RPS6KA2: variants seen among roughly 807,000 people sequenced by gnomAD.
The protein encoded by RPS6KA2 is ribosomal protein S6 kinase alpha-2.
Under a neutral mutation model 91.8 loss-of-function variants are expected in RPS6KA2, and 42 were observed. The observed-to-expected ratio is 0.46, with a 90% CI of 0.36 to 0.59. RPS6KA2 has a LOEUF of 0.59. Ranked by LOEUF, RPS6KA2 falls within the 20% of genes least tolerant of loss-of-function variation. RPS6KA2 has a pLI of 0.00. For synonymous variants in RPS6KA2, 414 were observed against 393.6 expected (o/e 1.05, Z -0.61); for missense variants, 798 against 978.5 (o/e 0.82, Z 2.46).
At chr6:166,416,274 C>A (rs562214668) in intron 19 of RPS6KA2, among the ~76,000 whole-genome samples, 1 of 59,028 alleles carries the variant, frequency 1.7e-5, no homozygotes, top group South Asian at 5.6e-4. Flanking sequence ...TCTGTCACCT[C>A]TGCCGTCACC....
chr6:166,500,965 C>T lies in RPS6KA2; in HGVS notation c.567-41G>A, dbSNP rs938739385. 5 of 1,596,034 alleles carry T rather than the reference C, an allele frequency of 3.1e-6. No individual in the cohort carries two copies. In the African/African-American group the frequency reaches 6.7e-5, roughly 21 times the overall value. On this transcript the variant is annotated intron_variant, in intron 6 of 20. Transcript: ENST00000265678. This position sits in a 1 kb window ranked among gnomAD's most constrained non-coding sequence, Gnocchi z 4.3. ...AGAAAACAGATGCTTTAGAAAGAGA[C>T]CCAGCCTGCCGACGGGCACGCAGAG... is the stretch of plus-strand genomic sequence containing the variant.
At chr6:166,798,041 T>C (rs564779776) in intron 2 of RPS6KA2, among the ~76,000 whole-genome samples, 5 of 152,176 alleles carry the variant, frequency 3.3e-5, no homozygotes, top group Non-Finnish European at 7.3e-5. Context: ...CTACCGTTGG[T>C]TGGTCAGGTA....
Position 166,481,654 on chromosome 6 carries a change from A to G in RPS6KA2, c.907+7179T>C, listed in dbSNP as rs141856927. Among the ~76,000 whole-genome samples, 114 of 140,740 alleles carry G rather than the reference A, an allele frequency of 8.1e-4. 3 individuals carry two copies. The East Asian group carries it at 0.02, about 25-fold the overall frequency. 92.3% of individuals were successfully genotyped at this position (140,740 alleles called of 152,430 possible). A position where few individuals can be genotyped will look rare whatever the true frequency, so the allele number is the denominator to read the frequency against. On this transcript the variant is annotated intron_variant, in intron 10 of 20. Transcript: ENST00000265678. The stretch of plus-strand genomic sequence containing the variant: ...TCTCTGATGAGATGGTAGACTGTAC[A>G]TATACCTCTCTGATAGATCTTAAAG...
chr6:166,451,308 G>T, intron 12 of RPS6KA2, 75 bp from the exon 13 acceptor site: 1 of 1,544,006 alleles, frequency 6.5e-7, no homozygotes, highest in Non-Finnish European at 8.9e-7. Flanking sequence ...GTGTGTGTGT[G>T]CATGTGGTAT....
chr6:166,824,172 A>G (rs1229822922), intron 2 of RPS6KA2, among the ~76,000 whole-genome samples: 1 of 152,102 alleles, frequency 6.6e-6, no homozygotes, highest in African/African-American at 2.4e-5. Flanking sequence ...CCCACGAGAA[A>G]CTCCTGCACA....
chr6:166,821,376 T>C lies in RPS6KA2; in HGVS notation c.123+36824A>G, dbSNP rs1388582208. 6.6e-6 allele frequency among the ~76,000 whole-genome samples: 1 copy of C among 152,056 alleles called. No homozygotes were observed. Among genetic ancestry groups the C allele is most frequent in the Non-Finnish European group, 1.5e-5 (1 of 68,008 alleles). On this transcript the variant is annotated intron_variant, in intron 2 of 21. Coordinates refer to the RPS6KA2 transcript ENST00000503859. The surrounding 1 kb of genome is among the most constrained non-coding windows in gnomAD (Gnocchi z 4.1). ...GGGTGGCTTAGCAGCTCAGGCCCTG[T>C]GGGTGCGCTTCACATGCGTGGGGCT...
intron 1 of RPS6KA2, among the ~76,000 whole-genome samples, chr6:166,549,683 C>T (rs910652845): frequency 2.0e-5 from 3 of 151,722 alleles, no homozygotes; most frequent in Non-Finnish European, 4.4e-5. Flanking sequence ...TAAAAGGGTA[C>T]CATGGGGGAT....
intron 2 of RPS6KA2, among the ~76,000 whole-genome samples, chr6:166,761,848 C>T (rs1052634693): frequency 1.3e-5 from 2 of 152,160 alleles, no homozygotes; most frequent in Middle Eastern, 3.2e-3. Context: ...AGGGAAGTGT[C>T]TCCTCGCATT....
chr6:166,624,377 C>T (rs746855646), intron 1 of RPS6KA2, among the ~76,000 whole-genome samples: 1 of 152,196 alleles, frequency 6.6e-6, no homozygotes. Context: ...TACTTTGTGT[C>T]CTATTTCTCA....
chr6:166,580,908 T>G (rs942862295), intron 1 of RPS6KA2, among the ~76,000 whole-genome samples: 3 of 152,120 alleles, frequency 2.0e-5, no homozygotes, highest in Non-Finnish European at 4.4e-5. Context: ...TTTTCTTTTC[T>G]TTTCTTTTTT....
chr6:166,422,830 T>C (rs544488162), intron 17 of RPS6KA2, among the ~76,000 whole-genome samples: 16 of 152,180 alleles, frequency 1.1e-4, no homozygotes, highest in Non-Finnish European at 2.1e-4. Context: ...GGAGTGAGAA[T>C]TGGGGTGCAG....
intron 2 of RPS6KA2, among the ~76,000 whole-genome samples, chr6:166,774,944 GC>G (rs1778574359): frequency 6.6e-6 from 1 of 151,994 alleles, no homozygotes; most frequent in Non-Finnish European, 1.5e-5. Context: ...CCGTCTTCCA[GC>G]TTTTAGGGTT....
Position 166,432,485 on chromosome 6 carries a change from A to G in RPS6KA2, c.1338T>C (p.Ile446=). The change falls in exon 15 of 21, where the codon ATT becomes ATC. Residue 446 remains isoleucine (I), a synonymous_variant. Transcript: ENST00000265678. ...ATDTEYAVKI[I]DKSKRDPSEE... ...CCGAGGGGTCTCTCTTGCTCTTATC[A>G]ATGATCTGGAACAAACACAGCACAT... 4 of 1,608,324 alleles carry G rather than the reference A, an allele frequency of 2.5e-6. No homozygotes were observed. Among genetic ancestry groups the G allele is most frequent in the Non-Finnish European group, 3.4e-6 (4 of 1,174,980 alleles).
intron 2 of RPS6KA2, among the ~76,000 whole-genome samples, chr6:166,798,740 C>A (rs1472481759): frequency 2.0e-5 from 3 of 152,226 alleles, no homozygotes; most frequent in Non-Finnish European, 2.9e-5. Flanking sequence ...CTGGCCAATC[C>A]CTTTCCCAGA....
At chr6:166,517,450 G>GTTT (rs1562550709) in intron 3 of RPS6KA2, among the ~76,000 whole-genome samples, 3 of 83,790 alleles carry the variant, frequency 3.6e-5, no homozygotes, top group South Asian at 4.1e-4. Flanking sequence ...GCGTTCTTTT[G>GTTT]TTTTGTTTTT....
In RPS6KA2 at chr6:166,418,489, C is replaced by T. The variant is rs537085795; in HGVS notation, c.1821-147G>A. 3.9e-5 allele frequency: 26 copies of T among 673,580 alleles called. No homozygotes were observed. Among genetic ancestry groups the T allele is most frequent in the East Asian group, 1.1e-4 (4 of 36,380 alleles). The allele number at this position is 673,580 out of a possible 1,614,324, so 41.7% of individuals were successfully genotyped here. ...TCTGAAGCCAGGATTCATGGGAAAG[C>T]GGAACTTACCTCTAACACTATGCCC... On this transcript the variant is annotated intron_variant, in intron 18 of 20. Transcript: ENST00000265678. This position sits in a 1 kb window ranked among gnomAD's most constrained non-coding sequence, Gnocchi z 4.9.
Position 166,495,844 on chromosome 6 carries a change from G to A in RPS6KA2, c.747+2664C>T, listed in dbSNP as rs1781766728. The stretch of plus-strand genomic sequence containing the variant: ...CACCAACCCGGCCAGGGTCAGCAAA[G>A]GCCACTGGGAGTGGTGCTTCTGTCT... On this transcript the variant is annotated intron_variant, in intron 8 of 20. Transcript: ENST00000265678. The surrounding 1 kb of genome is among the most constrained non-coding windows in gnomAD (Gnocchi z 4.4). 6.6e-6 allele frequency among the ~76,000 whole-genome samples: 1 copy of A among 152,340 alleles called. No individual in the cohort carries two copies. Among genetic ancestry groups the A allele is most frequent in the East Asian group, 1.9e-4 (1 of 5,188 alleles).
At chr6:166,583,719 T>C (rs1331347686) in intron 1 of RPS6KA2, among the ~76,000 whole-genome samples, 3 of 152,210 alleles carry the variant, frequency 2.0e-5, no homozygotes, top group Non-Finnish European at 4.4e-5. Flanking sequence ...CTTTCTCCTC[T>C]GGATGGCAGA....
At position 166,765,350 on chromosome 6, in the gene RPS6KA2, C is replaced by T. The variant is rs937994181; in HGVS notation, c.123+92850G>A. On this transcript the variant is annotated intron_variant, in intron 2 of 21. Transcript: ENST00000503859. ...GAGGATGCTCCGGGACGCGTGGTGA[C>T]GACCCACGGCCACGAGCACAGCCAG... Among the ~76,000 whole-genome samples, 13 of 152,316 alleles carry T rather than the reference C, an allele frequency of 8.5e-5. 1 individual carries two copies. Among genetic ancestry groups the T allele is most frequent in the South Asian group, 4.1e-4 (2 of 4,826 alleles).
Sources: allele counts gnomAD v4.1 joint callset (sites outside exome capture counted in the v4.1 genomes callset), GRCh38; gene constraint gnomAD v4.1.1; non-coding constraint Gnocchi (gnomAD v3.1); transcripts MANE v1.5; gene names NCBI Gene and HGNC (gene_info 2026-07-23, HGNC 2026-07-21).